Variants in GAN observed in about 807,000 individuals in gnomAD.
The protein encoded by GAN is gigaxonin.
Under a neutral mutation model 71.3 loss-of-function variants are expected in GAN, and 48 were observed. The ratio of observed to expected loss-of-function variants is 0.67; its 90% confidence interval spans 0.53 to 0.86. The LOEUF is 0.86. Among genes scored for constraint, GAN ranks in the 40% least tolerant of loss-of-function variants. The pLI is 0.00. For missense variants in GAN, 928 were observed against 770.1 expected (o/e 1.21, Z -2.43); for synonymous variants, 386 against 276.8 (o/e 1.39, Z -3.92).
intron 2 of GAN, among the ~76,000 whole-genome samples, chr16:81,352,587 G>A (rs150231348): frequency 6.6e-6 from 1 of 151,898 alleles, no homozygotes; most frequent in African/African-American, 2.4e-5. Flanking sequence ...TTTCTGTAGG[G>A]GCTGTTTGTC....
At position 81,381,605 on chromosome 16, in the gene GAN, T is replaced by G. The variant is rs1023489004; in HGVS notation, c.*4009T>G. 1 of 152,290 alleles carries G rather than the reference T, an allele frequency of 6.6e-6. No individual in the cohort carries two copies. The highest frequency in any genetic ancestry group is 6.5e-5 in the Admixed American group (1 of 15,286). The allele number at this position is 152,290 out of a possible 1,614,324, so 9.4% of individuals were successfully genotyped here. A position where few individuals can be genotyped will look rare whatever the true frequency, so the allele number is the denominator to read the frequency against. On this transcript the variant is annotated 3_prime_UTR_variant, in exon 11 of 11. Coordinates refer to ENST00000648994, the MANE Select transcript of GAN (RefSeq NM_022041.4). ...CCACTAGGAACTGTGCTTGCCATCC[T>G]GGGAGCTGAACAGTGAGGCAGAGGT... is the stretch of plus-strand genomic sequence containing the variant.
chr16:81,326,615 A>T (rs1174053117), intron 1 of GAN, among the ~76,000 whole-genome samples: 1 of 152,264 alleles, frequency 6.6e-6, no homozygotes, highest in African/African-American at 2.4e-5. Context: ...TCTGAGAAAT[A>T]CATCATTGGG....
rs1322721920 is a variant in GAN at position 81,365,387 on chromosome 16, T to C, written c.1411T>C (p.Tyr471His). 6.2e-7 allele frequency: 1 copy of C among 1,613,634 alleles called. No homozygotes were observed. The highest frequency in any genetic ancestry group is 8.5e-7 in the Non-Finnish European group (1 of 1,179,914). ...GGCCTGTGGAGTTGCTATGGAGCTG[T>C]ATGTGTTTGGGGGAGTCCGAAGTCG... Reference protein sequence around the residue: ...AVACGVAMELYVFGGVRSRED... With the variant: ...AVACGVAMELHVFGGVRSRED... Residue 471 changes from tyrosine to histidine, a missense_variant, in exon 9 of 11, where the codon TAT becomes CAT. Transcript: ENST00000648994.
chr16:81,362,741 C>G (rs1910718944), intron 6 of GAN, 130 bp downstream of exon 6: 1 of 710,220 alleles, frequency 1.4e-6, no homozygotes, highest in South Asian at 1.5e-5. Flanking sequence ...GCTCCAACCT[C>G]TCCTTCTAGT....
In GAN at chr16:81,379,003, A is replaced by T. The variant is rs573121891; in HGVS notation, c.*1407A>T. 1 of 152,156 alleles carries T rather than the reference A, an allele frequency of 6.6e-6. No individual in the cohort carries two copies. Among genetic ancestry groups the T allele is most frequent in the South Asian group, 2.1e-4 (1 of 4,832 alleles). The allele number at this position is 152,156 out of a possible 1,614,324, so 9.4% of individuals were successfully genotyped here. The stretch of plus-strand genomic sequence containing the variant: ...ATGTCAAATTTCTAATCAATTTAAT[A>T]TACAGTACTTCATTTTTAATTGTTT... On this transcript the variant is annotated 3_prime_UTR_variant, in exon 11 of 11. Transcript: ENST00000648994.
chr16:81,348,821 C>A (rs1048023950), intron 1 of GAN, among the ~76,000 whole-genome samples: 2 of 152,136 alleles, frequency 1.3e-5, no homozygotes, highest in African/African-American at 4.8e-5. Flanking sequence ...GGGTCTGTAC[C>A]CTTGGGCTGA....
In GAN at chr16:81,365,324, TGATAAC is replaced by T; in HGVS notation, c.1374-24_1374-19del. On this transcript the variant is annotated intron_variant, in intron 8 of 10. Transcript: ENST00000648994. ...GATCTCGCATTGTACAGCTTGTGCC[TGATAAC>T]GCTGTGTGTGGCCTTTCAGGTTTGG... is the stretch of plus-strand genomic sequence containing the variant. 6.2e-7 allele frequency: 1 copy of T among 1,613,352 alleles called. No homozygotes were observed. The highest frequency in any genetic ancestry group is 1.1e-5 in the South Asian group (1 of 91,016).
chr16:81,357,442 T>C (rs1004972171), intron 4 of GAN, among the ~76,000 whole-genome samples: 4 of 152,248 alleles, frequency 2.6e-5, no homozygotes, highest in African/African-American at 7.2e-5. Context: ...GAACTCATCC[T>C]TTTTTATGGC....
Position 81,351,613 on chromosome 16 carries a change from T to C in GAN, c.198T>C (p.Asp66=). ...AGTTAAACTATAATCCTCCAAAAGA[T>C]GATGGATCAACTTATAAGATTGAAC... The part of the protein sequence containing the change: ...RTKLNYNPPK[D]DGSTYKIELE... The change falls in exon 2 of 11, where the codon GAT becomes GAC. Residue 66 remains aspartate (D), a synonymous_variant. Coordinates refer to ENST00000648994, the MANE Select transcript of GAN (RefSeq NM_022041.4). 1 of 1,538,406 alleles carries C rather than the reference T, an allele frequency of 6.5e-7. No individual in the cohort carries two copies. Among genetic ancestry groups the C allele is most frequent in the Non-Finnish European group, 9.0e-7 (1 of 1,110,774 alleles).
intron 6 of GAN, 26 bp downstream of exon 6, chr16:81,362,637 T>G: frequency 2.7e-6 from 3 of 1,128,720 alleles, no homozygotes; most frequent in Non-Finnish European, 4.1e-6. Context: ...GTTGGTTTGT[T>G]TGATGTGTTT....
At chr16:81,369,776 G>T (rs979185501) in intron 9 of GAN, among the ~76,000 whole-genome samples, 1 of 152,130 alleles carries the variant, frequency 6.6e-6, no homozygotes, top group Non-Finnish European at 1.5e-5. Context: ...TAGAGGCAGG[G>T]TTTCACCGTG....
At chr16:81,360,562 C>T (rs1597404726) in intron 5 of GAN, among the ~76,000 whole-genome samples, 2 of 151,466 alleles carry the variant, frequency 1.3e-5, no homozygotes, top group South Asian at 2.1e-4. Context: ...TCTGCTATTA[C>T]ATTTATCCAT....
At chr16:81,362,701 G>C in intron 6 of GAN, 90 bp downstream of exon 6, 2 of 800,362 alleles carry the variant, frequency 2.5e-6, no homozygotes, top group Non-Finnish European at 4.4e-6. Context: ...GGGAAGAAAC[G>C]GCAGCCTTGT....
chr16:81,346,755 C>G lies in GAN; in HGVS notation c.168-4828C>G, dbSNP rs567160302. Among the ~76,000 whole-genome samples the G allele has an allele frequency of 7.9e-4, 120 of 152,252 alleles. 1 individual carries two copies. Among genetic ancestry groups the G allele is most frequent in the African/African-American group, 2.6e-3 (108 of 41,550 alleles). ...TTGAAGGAGGCTCTGGGGAAAACTTCAGGGTGTGGTTGCAGCTGTGCACTG... is the reference window on the plus strand; with the variant it reads ...TTGAAGGAGGCTCTGGGGAAAACTTGAGGGTGTGGTTGCAGCTGTGCACTG... On this transcript the variant is annotated intron_variant, in intron 1 of 10. Coordinates refer to ENST00000648994, the MANE Select transcript of GAN (RefSeq NM_022041.4).
At chr16:81,326,362 A>C (rs36170362) in intron 1 of GAN, among the ~76,000 whole-genome samples, 1 of 25,656 alleles carries the variant, frequency 3.9e-5, no homozygotes, top group Non-Finnish European at 1.0e-4. Flanking sequence ...TACTAAAAAT[A>C]CAAAAAAAAA....
intron 9 of GAN, among the ~76,000 whole-genome samples, chr16:81,372,651 T>A (rs797007595): frequency 6.6e-6 from 1 of 152,320 alleles, no homozygotes; most frequent in African/African-American, 2.4e-5. Context: ...TGGTAGATCA[T>A]CTATGTAGTC....
At chr16:81,361,067 AC>A (rs1290641345) in intron 5 of GAN, among the ~76,000 whole-genome samples, 1 of 152,192 alleles carries the variant, frequency 6.6e-6, no homozygotes, top group Non-Finnish European at 1.5e-5. Flanking sequence ...TACTAAAAGT[AC>A]AAAAAGTAGC....
At chr16:81,354,294 T>C (rs1910410184) in intron 2 of GAN, 111 bp from the exon 3 acceptor site, 2 of 771,700 alleles carry the variant, frequency 2.6e-6, no homozygotes, top group South Asian at 3.1e-5. Context: ...AATATTCGAT[T>C]ATCTTTGATC....
chr16:81,329,415 ACT>A (rs1909499420), intron 1 of GAN, among the ~76,000 whole-genome samples: 3 of 152,040 alleles, frequency 2.0e-5, no homozygotes, highest in Admixed American at 2.0e-4. Flanking sequence ...AAGTAAACAG[ACT>A]CTGCATCCTC....
Sources: gnomAD v4.1 joint callset for allele counts (sites outside exome capture counted in the v4.1 genomes callset) on GRCh38, gnomAD v4.1.1 for gene constraint, MANE v1.5 for transcripts, NCBI Gene and HGNC (gene_info 2026-07-23, HGNC 2026-07-21) for gene names.